SLC24A2: variants seen among roughly 807,000 people sequenced by gnomAD.
The protein encoded by SLC24A2 is sodium/potassium/calcium exchanger 2.
Under a neutral mutation model 62.0 loss-of-function variants are expected in SLC24A2, and 36 were observed. The ratio of observed to expected loss-of-function variants is 0.58; its 90% CI spans 0.44 to 0.77. SLC24A2 has a LOEUF of 0.77. Among genes scored for constraint, SLC24A2 ranks in the 30% least tolerant of loss-of-function variants. The pLI, the probability that SLC24A2 is intolerant of heterozygous loss-of-function variation, is 0.00. For missense variants in SLC24A2, 846 were observed against 817.9 expected (o/e 1.03, Z -0.42); for synonymous variants, 358 against 294.0 (o/e 1.22, Z -2.23).
chr9:20,256,420 C>T, the SLC24A2 span, among the ~76,000 whole-genome samples: 8 of 152,208 alleles, frequency 5.3e-5, no homozygotes, highest in African/African-American at 1.9e-4. Context: ...TGAAGGCAGA[C>T]AGTCCTGCCA....
chr9:20,294,683 A>G, the SLC24A2 span, among the ~76,000 whole-genome samples: 1 of 152,188 alleles, frequency 6.6e-6, no homozygotes, highest in African/African-American at 2.4e-5. Context: ...GTACTAATTG[A>G]AAATGAAGTT....
At chr9:20,200,575 T>C in the SLC24A2 span, among the ~76,000 whole-genome samples, 2 of 152,202 alleles carry the variant, frequency 1.3e-5, no homozygotes, top group Admixed American at 6.5e-5. Flanking sequence ...AGTCAACTCA[T>C]TGGGCTTAAA....
the SLC24A2 span, among the ~76,000 whole-genome samples, chr9:20,047,050 C>G: frequency 6.6e-6 from 1 of 152,092 alleles, no homozygotes; most frequent in African/African-American, 2.4e-5. Context: ...GCTCTTTGCA[C>G]TAGAGTTTGG....
the SLC24A2 span, among the ~76,000 whole-genome samples, chr9:20,095,093 T>G: frequency 1.3e-5 from 2 of 152,194 alleles, no homozygotes; most frequent in Non-Finnish European, 2.9e-5. Context: ...CATCCTGTTT[T>G]CTAAGCCAAA....
At chr9:19,546,955 T>A (rs1359080269) in intron 8 of SLC24A2, among the ~76,000 whole-genome samples, 2 of 152,074 alleles carry the variant, frequency 1.3e-5, no homozygotes, top group Admixed American at 1.3e-4. Context: ...CCTGACCCCT[T>A]GCACTTCCTG....
chr9:19,568,323 C>T (rs958609895), intron 7 of SLC24A2, among the ~76,000 whole-genome samples: 1 of 152,170 alleles, frequency 6.6e-6, no homozygotes, highest in African/African-American at 2.4e-5. Flanking sequence ...TGTTCACTTT[C>T]TATGACCAAG....
the SLC24A2 span, among the ~76,000 whole-genome samples, chr9:20,181,819 A>G: frequency 7.5e-4 from 114 of 152,374 alleles, no homozygotes; most frequent in Non-Finnish European, 1.2e-3. Context: ...TCTGCACAGC[A>G]AAAGAAATTA....
chr9:19,809,801 A>G, the SLC24A2 span, among the ~76,000 whole-genome samples: 48 of 152,202 alleles, frequency 3.2e-4, no homozygotes, highest in African/African-American at 1.1e-3. Context: ...AAACCTGACT[A>G]TAACTTCCGT....
chr9:20,304,673 C>G, the SLC24A2 span, among the ~76,000 whole-genome samples: 3 of 152,130 alleles, frequency 2.0e-5, no homozygotes, highest in African/African-American at 7.2e-5. Context: ...TAAATATGTA[C>G]ATTTTGTTTG....
chr9:20,265,109 C>T, the SLC24A2 span, among the ~76,000 whole-genome samples: 9 of 152,230 alleles, frequency 5.9e-5, no homozygotes, highest in Non-Finnish European at 8.8e-5. Flanking sequence ...CGGGCTACAG[C>T]GGGAGATCCA....
Position 19,511,510 on chromosome 9 carries a change from AAATT to A in SLC24A2, c.*4639_*4642del, listed in dbSNP as rs1397091764. On this transcript the variant is annotated 3_prime_UTR_variant, in exon 11 of 11. Transcript: ENST00000341998. ...ACACTTGTTTTCTTGGAATCCTAGG[AAATT>A]AATATCTCCTTTCTTCCCTTTCCTT... 3.4e-4 allele frequency: 51 copies of A among 152,192 alleles called. No individual in the cohort carries two copies. Among genetic ancestry groups the A allele is most frequent in the Admixed American group, 3.3e-3 (51 of 15,284 alleles). 9.4% of individuals were successfully genotyped at this position (152,192 alleles called of 1,614,324 possible). A position where few individuals can be genotyped will look rare whatever the true frequency, so the allele number is the denominator to read the frequency against.
At chr9:19,946,941 A>C in the SLC24A2 span, among the ~76,000 whole-genome samples, 2 of 152,202 alleles carry the variant, frequency 1.3e-5, no homozygotes, top group Non-Finnish European at 2.9e-5. Context: ...ATGTAAAAAA[A>C]ATTCAAAACT....
At chr9:20,129,868 A>G in the SLC24A2 span, among the ~76,000 whole-genome samples, 2 of 151,136 alleles carry the variant, frequency 1.3e-5, no homozygotes, top group African/African-American at 4.8e-5. Flanking sequence ...AAATGCTTGC[A>G]CAGCATTGGG....
the SLC24A2 span, among the ~76,000 whole-genome samples, chr9:20,173,264 C>G: frequency 2.0e-5 from 3 of 152,052 alleles, no homozygotes; most frequent in East Asian, 3.9e-4. Context: ...CCTCTGAGAA[C>G]TGGAACAAGA....
chr9:19,580,329 T>G (rs1456165552), intron 5 of SLC24A2, among the ~76,000 whole-genome samples: 1 of 152,200 alleles, frequency 6.6e-6, no homozygotes, highest in African/African-American at 2.4e-5. Flanking sequence ...AAGGCTGCAG[T>G]TGAGGGCCCA....
chr9:19,550,176 C>G lies in SLC24A2; in HGVS notation c.1440G>C (p.Val480=). 1 of 1,614,094 alleles carries G rather than the reference C, an allele frequency of 6.2e-7. No homozygotes were observed. The highest frequency in any genetic ancestry group is 8.5e-7 in the Non-Finnish European group (1 of 1,179,988). The change falls in exon 8 of 11, where the codon GTG becomes GTC. Residue 480 remains valine, a synonymous_variant. Coordinates refer to ENST00000341998, the MANE Select transcript of SLC24A2 (RefSeq NM_020344.4). ...CAGGTAACGTAATCCAGAGAGGAAA[C>G]ACTATGGGGAAAACAATCAGAAACG... ...QVTFLIVFPI[V]FPLWITLPDV...
At chr9:20,096,085 A>ATCCGTCCGTCCGTCCGTCCG in the SLC24A2 span, among the ~76,000 whole-genome samples, 1 of 140,370 alleles carries the variant, frequency 7.1e-6, no homozygotes, top group Non-Finnish European at 1.5e-5. Context: ...CCATCCATCC[A>ATCCGTCCGTCCGTCCGTCCG]TCCGTCCGTC....
chr9:19,519,359 G>A (rs1355659969), intron 10 of SLC24A2, among the ~76,000 whole-genome samples: 1 of 151,690 alleles, frequency 6.6e-6, no homozygotes, highest in Non-Finnish European at 1.5e-5. Flanking sequence ...TTGTGTGTGT[G>A]TGTGTGTGTG....
chr9:19,864,665 C>A, the SLC24A2 span, among the ~76,000 whole-genome samples: 15 of 151,860 alleles, frequency 9.9e-5, no homozygotes, highest in Non-Finnish European at 1.6e-4. Context: ...TCTCAAAAAA[C>A]TGGGTATAGA....
Sources: gnomAD v4.1 joint callset for allele counts (sites outside exome capture counted in the v4.1 genomes callset) on GRCh38, gnomAD v4.1.1 for gene constraint, MANE v1.5 for transcripts, NCBI Gene and HGNC (gene_info 2026-07-23, HGNC 2026-07-21) for gene names.